The following NR2C2 variants were observed in gnomAD, a reference collection of about 807,000 sequenced individuals.
NR2C2 encodes Nuclear hormone receptor TR4.
A neutral mutation model predicts 62.9 loss-of-function variants in NR2C2; 6 were observed. The observed-to-expected ratio is 0.10, with a 90% CI of 0.05 to 0.19. The LOEUF (loss-of-function observed/expected upper bound fraction) is 0.19, where lower values mean the gene tolerates loss of function less well. Among genes scored for constraint, NR2C2 ranks in the 10% least tolerant of loss-of-function variants. NR2C2 has a pLI of 1.00. For synonymous variants in NR2C2, 272 were observed against 273.8 expected (o/e 0.99, Z 0.07); for missense variants, 479 against 762.7 (o/e 0.63, Z 4.38).
At chr3:14,972,174 CTT>C (rs527677356) in intron 1 of NR2C2, among the ~76,000 whole-genome samples, 2 of 117,082 alleles carry the variant, frequency 1.7e-5, no homozygotes, top group African/African-American at 3.1e-5. Context: ...CTTTTTCTTT[CTT>C]TTTTTTTTTT....
intron 1 of NR2C2, among the ~76,000 whole-genome samples, chr3:14,954,308 TAAAC>T (rs146743458): frequency 0.073 from 11,034 of 152,056 alleles, 443 homozygotes; most frequent in Middle Eastern, 0.1. Context: ...TCTAAAGAAA[TAAAC>T]AATGTACTTT....
At position 15,030,314 on chromosome 3, in the gene NR2C2, C is replaced by T. The variant is rs768449547; in HGVS notation, c.972C>T (p.Asp324=). The change falls in exon 9 of 14, where the codon GAC becomes GAT. Residue 324 remains aspartate (D), a synonymous_variant. Transcript: ENST00000425241. ...TAGCTAAAGCACTTAATACCACAGA[C>T]AGCTCCTCTTCTCCAAGCTTGGCAG... ...DTLAKALNTT[D]SSSSPSLADG... 1.2e-6 allele frequency: 2 copies of T among 1,612,378 alleles called. No individual in the cohort carries two copies. The highest frequency in any genetic ancestry group is 1.7e-6 in the Non-Finnish European group (2 of 1,179,540).
At position 15,028,868 on chromosome 3, in the gene NR2C2, A is replaced by G. The variant is rs2041893618; in HGVS notation, c.932+149A>G. 9 of 841,794 alleles carry G rather than the reference A, an allele frequency of 1.1e-5. No individual in the cohort carries two copies. The East Asian group carries it at 2.2e-4, about 20-fold the overall frequency. The allele number at this position is 841,794 out of a possible 1,614,324, so 52.1% of individuals were successfully genotyped here. On this transcript the variant is annotated intron_variant, in intron 8 of 13. Transcript: ENST00000425241. ...TGACCCTGCTCATCTGTCTTCTTTGAAATTTTAACTGTGGGAACATAGACC... is the reference window on the plus strand; with the variant it reads ...TGACCCTGCTCATCTGTCTTCTTTGGAATTTTAACTGTGGGAACATAGACC...
intron 5 of NR2C2, among the ~76,000 whole-genome samples, chr3:15,022,944 C>G (rs111915814): frequency 6.6e-6 from 1 of 152,296 alleles, no homozygotes; most frequent in African/African-American, 2.4e-5. Context: ...CCATAGGCCA[C>G]ATAGGTGCTG....
At chr3:15,030,769 A>G (rs535543734) in intron 9 of NR2C2, among the ~76,000 whole-genome samples, 58 of 152,328 alleles carry the variant, frequency 3.8e-4, no homozygotes, top group African/African-American at 1.3e-3. Flanking sequence ...CAGAGGTTGC[A>G]GTGAGCCAAG....
In NR2C2 at chr3:15,030,330, A is replaced by G; in HGVS notation, c.988A>G (p.Ser330Gly). 6.2e-7 allele frequency: 1 copy of G among 1,613,252 alleles called. No homozygotes were observed. Among genetic ancestry groups the G allele is most frequent in the Non-Finnish European group, 8.5e-7 (1 of 1,179,758 alleles). The change falls in exon 9 of 14, where the codon AGC (serine) becomes GGC (glycine). Residue 330 changes from serine (S) to glycine (G), a missense_variant. Physicochemically the swap from Ser to Gly is moderately conservative, Grantham distance 56. Around this residue, in one of 4 missense-constraint regions of NR2C2, gnomAD observed 151 missense variants for 176.1 expected, o/e 0.86. Coordinates refer to ENST00000425241, the MANE Select transcript of NR2C2 (RefSeq NM_001291694.2). ...LNTTDSSSSP[S>G]LADGIDTSGG... ...TACCACAGACAGCTCCTCTTCTCCA[A>G]GCTTGGCAGATGGGATAGACACCAG...
At chr3:14,978,210 C>G (rs1280635297) in intron 1 of NR2C2, among the ~76,000 whole-genome samples, 1 of 152,162 alleles carries the variant, frequency 6.6e-6, no homozygotes, top group Non-Finnish European at 1.5e-5. Flanking sequence ...TGTTCCTTAA[C>G]TTGCAGTGGG....
At chr3:15,000,997 G>A (rs1258282583) in intron 1 of NR2C2, among the ~76,000 whole-genome samples, 1 of 151,586 alleles carries the variant, frequency 6.6e-6, no homozygotes, top group African/African-American at 2.4e-5. Flanking sequence ...TGTATTTTTA[G>A]TAGAGACAGG....
chr3:15,019,869 G>A (rs912585766), intron 4 of NR2C2, among the ~76,000 whole-genome samples: 3 of 152,010 alleles, frequency 2.0e-5, no homozygotes, highest in Non-Finnish European at 4.4e-5. Flanking sequence ...TAACAATAAG[G>A]TATTATATAT....
chr3:15,025,312 C>T (rs1215027535), intron 7 of NR2C2, among the ~76,000 whole-genome samples: 1 of 152,250 alleles, frequency 6.6e-6, no homozygotes, highest in Non-Finnish European at 1.5e-5. Context: ...GAACTGGGTT[C>T]AGAGTCTGAC....
At chr3:14,957,481 G>A (rs1430949816) in intron 1 of NR2C2, among the ~76,000 whole-genome samples, 1 of 152,092 alleles carries the variant, frequency 6.6e-6, no homozygotes, top group African/African-American at 2.4e-5. Flanking sequence ...TTGTTGGTGG[G>A]GTGATATTGA....
chr3:14,969,071 G>A (rs1189163452), intron 1 of NR2C2, among the ~76,000 whole-genome samples: 3 of 149,080 alleles, frequency 2.0e-5, no homozygotes, highest in African/African-American at 7.4e-5. Flanking sequence ...CACCAGCATG[G>A]CACATGTATA....
chr3:15,004,609 A>T (rs1361483522), intron 2 of NR2C2: 2 of 1,612,460 alleles, frequency 1.2e-6, no homozygotes, highest in Non-Finnish European at 1.7e-6. Flanking sequence ...TTGAACAAAG[A>T]GAAGGTAGGT....
intron 2 of NR2C2, among the ~76,000 whole-genome samples, chr3:15,006,376 T>C (rs911657526): frequency 1.3e-5 from 2 of 152,204 alleles, no homozygotes; most frequent in Admixed American, 1.3e-4. Flanking sequence ...TTTGCTATTA[T>C]CTTTTGGTAT....
intron 3 of NR2C2, 126 bp downstream of exon 3, chr3:15,013,915 GC>G: frequency 1.0e-6 from 1 of 961,358 alleles, no homozygotes; most frequent in Non-Finnish European, 1.6e-6. Context: ...TGCAAACATG[GC>G]AGGTTGCTGC....
chr3:14,950,595 C>G (rs1475952427), intron 1 of NR2C2, among the ~76,000 whole-genome samples: 1 of 133,710 alleles, frequency 7.5e-6, no homozygotes, highest in Non-Finnish European at 1.6e-5. Context: ...AGTCCTAATT[C>G]CCATTGCCAG....
intron 2 of NR2C2, among the ~76,000 whole-genome samples, chr3:15,007,385 C>T (rs1353277320): frequency 6.6e-6 from 1 of 152,074 alleles, no homozygotes; most frequent in African/African-American, 2.4e-5. Context: ...CCTCGGCCTC[C>T]CAAAATTCTG....
At chr3:14,993,368 C>T (rs1260491402) in intron 1 of NR2C2, among the ~76,000 whole-genome samples, 6 of 151,558 alleles carry the variant, frequency 4.0e-5, no homozygotes, top group African/African-American at 1.5e-4. Flanking sequence ...GCAGGAGAAT[C>T]GCTTGAACCT....
At chr3:15,005,963 AGGGAGGC>A (rs2041162338) in intron 2 of NR2C2, among the ~76,000 whole-genome samples, 1 of 152,082 alleles carries the variant, frequency 6.6e-6, no homozygotes, top group Non-Finnish European at 1.5e-5. Context: ...CCCAGCACTT[AGGGAGGC>A]TGAAGAAGGC....
Sources: gnomAD v4.1 joint callset for allele counts (sites outside exome capture counted in the v4.1 genomes callset) on GRCh38, gnomAD v4.1.1 for gene constraint, gnomAD v4.1.1 regional missense constraint, MANE v1.5 for transcripts, NCBI Gene and HGNC (gene_info 2026-07-23, HGNC 2026-07-21) for gene names.